The following CCDC141 variants were observed in gnomAD, a reference collection of about 807,000 sequenced individuals.
CCDC141 encodes coiled-coil domain containing 141.
In CCDC141, 168 loss-of-function variants were observed where a neutral mutation model predicts 181.0. That is an observed-to-expected ratio of 0.93 (90% CI 0.82 to 1.05). The LOEUF is 1.05. CCDC141 is among the 50% of genes least tolerant of loss of function. CCDC141 has a pLI of 0.00. For synonymous variants in CCDC141, 666 were observed against 642.3 expected, an observed-to-expected ratio of 1.04 and a Z score of -0.56; for missense variants, 1,902 against 1,788.5, an observed-to-expected ratio of 1.06 and a Z score of -1.14.
chr2:179,025,019 G>C (rs2042793731), intron 2 of CCDC141, among the ~76,000 whole-genome samples: 1 of 151,898 alleles, frequency 6.6e-6, no homozygotes, highest in Non-Finnish European at 1.5e-5. Context: ...TGATTCTGAT[G>C]CCAGCCCAGT....
chr2:178,823,631 C>T, the CCDC141 span, among the ~76,000 whole-genome samples: 14 of 152,118 alleles, frequency 9.2e-5, no homozygotes, highest in South Asian at 1.0e-3. Context: ...GATGTTATGA[C>T]GTTGTTATTA....
Position 179,015,839 on chromosome 2 carries a change from T to TCTCATATATGTATCATATATAG in CCDC141, c.225+31444_225+31445insCTATATATGATACATATATGAG, listed in dbSNP as rs1559050753. On this transcript the variant is annotated intron_variant, in intron 2 of 23. Transcript: ENST00000443758. The stretch of plus-strand genomic sequence containing the variant: ...ATATCTCATATATGTATCATATATA[T>TCTCATATATGTATCATATATAG]CTCATATATCTCATATATATCTCAT... 4.9e-3 allele frequency among the ~76,000 whole-genome samples: 690 copies of TCTCATATATGTATCATATATAG among 140,008 alleles called. 5 individuals are homozygous for TCTCATATATGTATCATATATAG. Among genetic ancestry groups the TCTCATATATGTATCATATATAG allele is most frequent in the Non-Finnish European group, 7.7e-3 (505 of 65,520 alleles). The allele number at this position is 140,008 out of a possible 152,430, so 91.9% of individuals were successfully genotyped here. A position where few individuals can be genotyped will look rare whatever the true frequency, so the allele number is the denominator to read the frequency against.
At chr2:178,898,268 A>G (rs1030118677) in intron 8 of CCDC141, among the ~76,000 whole-genome samples, 3 of 152,182 alleles carry the variant, frequency 2.0e-5, no homozygotes, top group Admixed American at 2.0e-4. Context: ...TTTTTCACAC[A>G]TACCTGGTTT....
chr2:178,852,293 C>T (rs960964267), intron 20 of CCDC141, among the ~76,000 whole-genome samples: 1 of 152,074 alleles, frequency 6.6e-6, no homozygotes, highest in Non-Finnish European at 1.5e-5. Context: ...AGGCACTGAT[C>T]CAGGCACAAA....
intron 7 of CCDC141, chr2:178,915,871 G>A (rs1688423683): frequency 6.6e-6 from 1 of 152,206 alleles, no homozygotes. Flanking sequence ...CCAAGCTTAG[G>A]GTTCCTCTCC....
intron 2 of CCDC141, among the ~76,000 whole-genome samples, chr2:179,040,715 C>G (rs2043274288): frequency 6.6e-6 from 1 of 152,210 alleles, no homozygotes; most frequent in Admixed American, 6.5e-5. Context: ...GACATGATCT[C>G]ATTCCTGTTT....
rs564639420 is a variant in CCDC141 at position 178,982,277 on chromosome 2, A to G, written c.226-3602T>C. Among the ~76,000 whole-genome samples the G allele has an allele frequency of 9.3e-4, 141 of 152,348 alleles. 2 individuals carry two copies. The highest frequency in any genetic ancestry group is 3.2e-3 in the African/African-American group (134 of 41,568). On this transcript the variant is annotated intron_variant, in intron 2 of 23. Coordinates refer to ENST00000443758, the MANE Select transcript of CCDC141 (RefSeq NM_173648.4). ...AGCAAAGTTACAGAGTATAAGATCA[A>G]TAACAAAAAAATTGGTTGTGTTTCT...
intron 6 of CCDC141, among the ~76,000 whole-genome samples, chr2:178,923,384 G>A (rs906302150): frequency 6.6e-6 from 1 of 152,108 alleles, no homozygotes; most frequent in East Asian, 1.9e-4. Context: ...GATTACAGGC[G>A]TGAGCCACCG....
chr2:178,841,871 G>A (rs1169971496), intron 22 of CCDC141, among the ~76,000 whole-genome samples: 4 of 152,146 alleles, frequency 2.6e-5, no homozygotes, highest in South Asian at 2.1e-4. Flanking sequence ...GGCTTCAGGC[G>A]ATCTACCCGC....
chr2:178,959,037 G>A (rs763251652), intron 5 of CCDC141, among the ~76,000 whole-genome samples: 9 of 151,614 alleles, frequency 5.9e-5, no homozygotes, highest in Admixed American at 1.3e-4. Context: ...TAAAAACGTC[G>A]CAAGGACAAA....
intron 2 of CCDC141, among the ~76,000 whole-genome samples, chr2:178,990,617 A>G (rs943876369): frequency 2.1e-5 from 3 of 144,904 alleles, no homozygotes; most frequent in African/African-American, 7.6e-5. Context: ...AGGGAAGGGA[A>G]GGGAAGGGAA....
intron 12 of CCDC141, chr2:178,877,058 T>G (rs1686386004): frequency 1.3e-5 from 2 of 152,196 alleles, no homozygotes; most frequent in African/African-American, 4.8e-5. Flanking sequence ...TACTCTGTGT[T>G]GCACCTGTAG....
chr2:178,913,058 C>T (rs764804750), intron 7 of CCDC141, among the ~76,000 whole-genome samples: 1 of 152,202 alleles, frequency 6.6e-6, no homozygotes, highest in Admixed American at 6.5e-5. Flanking sequence ...GTTCCCTGGC[C>T]TCTCATCTAA....
chr2:179,018,874 A>G (rs1299774248), intron 2 of CCDC141, among the ~76,000 whole-genome samples: 1 of 152,236 alleles, frequency 6.6e-6, no homozygotes, highest in African/African-American at 2.4e-5. Flanking sequence ...AGTAGCAAAA[A>G]AAGTACAAAT....
chr2:178,960,013 AAT>A (rs1423984702), intron 5 of CCDC141, among the ~76,000 whole-genome samples: 1 of 152,196 alleles, frequency 6.6e-6, no homozygotes, highest in East Asian at 1.9e-4. Context: ...GACATTTGGC[AAT>A]GTCTAGAGAC....
At chr2:178,834,842 G>A (rs1009700272) in intron 23 of CCDC141, among the ~76,000 whole-genome samples, 3 of 151,540 alleles carry the variant, frequency 2.0e-5, no homozygotes, top group Non-Finnish European at 2.9e-5. Context: ...AGCCTCCTGA[G>A]TAGCTGGTAT....
intron 3 of CCDC141, among the ~76,000 whole-genome samples, chr2:178,975,896 A>G (rs1053460996): frequency 1.3e-5 from 2 of 152,302 alleles, no homozygotes; most frequent in Non-Finnish European, 2.9e-5. Flanking sequence ...ATTTGTATGC[A>G]TTACATCTAT....
chr2:178,863,913 G>A (rs1685725624), intron 17 of CCDC141, among the ~76,000 whole-genome samples: 1 of 152,184 alleles, frequency 6.6e-6, no homozygotes, highest in South Asian at 2.1e-4. Context: ...ACAATCCTGG[G>A]GCGTACCTAC....
chr2:178,966,904 A>G (rs35444808), intron 4 of CCDC141, among the ~76,000 whole-genome samples: 35,518 of 151,702 alleles, frequency 0.23, 5,516 homozygotes, highest in Non-Finnish European at 0.34. Flanking sequence ...AGAGAAGAAT[A>G]TAAATGACCT....
Sources: gnomAD v4.1 joint callset for allele counts (sites outside exome capture counted in the v4.1 genomes callset) on GRCh38, gnomAD v4.1.1 for gene constraint, MANE v1.5 for transcripts, NCBI Gene and HGNC (gene_info 2026-07-23, HGNC 2026-07-21) for gene names.